ANKRD28: variants seen among roughly 807,000 people sequenced by gnomAD.
ANKRD28 encodes the protein ankyrin repeat domain 28.
In ANKRD28, 44 loss-of-function variants were observed where a neutral mutation model predicts 126.5. The observed-to-expected ratio is 0.35, with a 90% CI of 0.27 to 0.45. ANKRD28 has a LOEUF of 0.45. Ranked by LOEUF, ANKRD28 falls within the 20% of genes least tolerant of loss-of-function variation. The pLI is 1.00. For synonymous variants in ANKRD28, 442 were observed against 468.5 expected (o/e 0.94, Z 0.73); for missense variants, 1,110 against 1,316.6 (o/e 0.84, Z 2.43).
At chr3:15,826,882 C>T (rs557264856) in intron 1 of ANKRD28, among the ~76,000 whole-genome samples, 2 of 152,278 alleles carry the variant, frequency 1.3e-5, no homozygotes, top group Admixed American at 6.5e-5. Flanking sequence ...CATATACATA[C>T]AAATTAGGAC....
intron 1 of ANKRD28, among the ~76,000 whole-genome samples, chr3:15,825,709 T>G (rs116280383): frequency 6.5e-4 from 99 of 152,002 alleles, no homozygotes; most frequent in African/African-American, 2.3e-3. Context: ...GATTGAGAGG[T>G]ATAACAAAAC....
intron 4 of ANKRD28, among the ~76,000 whole-genome samples, chr3:15,746,702 G>C (rs1264568000): frequency 2.0e-5 from 3 of 152,158 alleles, no homozygotes; most frequent in Non-Finnish European, 4.4e-5. Flanking sequence ...TTTGGTATTA[G>C]GGTGACACTG....
chr3:15,800,731 C>T (rs1422085700), upstream of ANKRD28, among the ~76,000 whole-genome samples: 8 of 152,050 alleles, frequency 5.3e-5, no homozygotes, highest in Admixed American at 1.3e-4. Flanking sequence ...TTCTTCCATT[C>T]TTCTACCTTC....
At chr3:15,730,349 G>A (rs2074492313) in intron 6 of ANKRD28, among the ~76,000 whole-genome samples, 1 of 152,168 alleles carries the variant, frequency 6.6e-6, no homozygotes, top group Admixed American at 6.6e-5. Context: ...AATTCATTTG[G>A]AGATGAGGTG....
At chr3:15,713,756 T>C (rs1396869263) in intron 9 of ANKRD28, 115 bp from the exon 10 acceptor site, 1 of 538,724 alleles carries the variant, frequency 1.9e-6, no homozygotes, top group Admixed American at 3.6e-5. Context: ...TACAGCAATT[T>C]TAACTAGATT....
At chr3:15,842,691 T>C (rs1216333308) in intron 1 of ANKRD28, among the ~76,000 whole-genome samples, 1 of 152,188 alleles carries the variant, frequency 6.6e-6, no homozygotes, top group Non-Finnish European at 1.5e-5. Flanking sequence ...ATAGCTCCTG[T>C]AACCCATAAA....
intron 1 of ANKRD28, among the ~76,000 whole-genome samples, chr3:15,842,260 T>G (rs2061438386): frequency 6.6e-6 from 1 of 152,004 alleles, no homozygotes; most frequent in South Asian, 2.1e-4. Context: ...TGCAACAACA[T>G]GGAACTGGAG....
chr3:15,831,412 C>A (rs888121232), intron 1 of ANKRD28, among the ~76,000 whole-genome samples: 2 of 152,178 alleles, frequency 1.3e-5, no homozygotes, highest in African/African-American at 2.4e-5. Context: ...AGCAGGGATT[C>A]TCACCAAATG....
chr3:15,810,132 T>C (rs1165586511), intron 1 of ANKRD28, among the ~76,000 whole-genome samples: 2 of 152,192 alleles, frequency 1.3e-5, no homozygotes, highest in Admixed American at 1.3e-4. Context: ...TTAAAGAACT[T>C]ACTGTGCATA....
At position 15,849,984 on chromosome 3, in the gene ANKRD28, T is replaced by C. The variant is rs140180179; in HGVS notation, c.27+9393A>G. 4.2e-4 allele frequency among the ~76,000 whole-genome samples: 63 copies of C among 151,766 alleles called. No individual in the cohort carries two copies. In the East Asian group the frequency reaches 0.012, roughly 29 times the overall value. ...GGGTTGGAAGCGATCTCTGACTCTG[T>C]ACACTACAAACCTACAGTTATCAAG... On this transcript the variant is annotated intron_variant, in intron 1 of 27. Coordinates refer to the ANKRD28 transcript ENST00000399451.
At chr3:15,728,301 T>C (rs999587829) in intron 6 of ANKRD28, among the ~76,000 whole-genome samples, 13 of 152,280 alleles carry the variant, frequency 8.5e-5, no homozygotes, top group African/African-American at 2.9e-4. Flanking sequence ...TGTAATTAAT[T>C]AATTATTTTT....
intron 2 of ANKRD28, among the ~76,000 whole-genome samples, chr3:15,784,004 GAA>G (rs1282494702): frequency 6.6e-6 from 1 of 151,630 alleles, no homozygotes; most frequent in Non-Finnish European, 1.5e-5. Context: ...ATGAAAGCAA[GAA>G]AAGAGTCCGG....
chr3:15,695,092 A>G (rs1429687684), intron 16 of ANKRD28, 96 bp downstream of exon 16: 25 of 1,028,400 alleles, frequency 2.4e-5, no homozygotes, highest in Non-Finnish European at 1.5e-6. Context: ...ATATGTAAAA[A>G]CACTTTCAGC....
At chr3:15,733,486 T>C (rs1486729800) in intron 6 of ANKRD28, 1 of 152,238 alleles carries the variant, frequency 6.6e-6, no homozygotes, top group East Asian at 1.9e-4. Context: ...GGACATACTG[T>C]TAGAAATATT....
At position 15,845,935 on chromosome 3, in the gene ANKRD28, A is replaced by G. The variant is rs1047588639; in HGVS notation, c.27+13442T>C. The stretch of plus-strand genomic sequence containing the variant: ...GGGGGAAATCTGCCCCAACAATCCA[A>G]TAGCATCTCACCAGTCCCCTCCTCT... On this transcript the variant is annotated intron_variant, in intron 1 of 27. Coordinates refer to the ANKRD28 transcript ENST00000399451. This position sits in a 1 kb window ranked among gnomAD's most constrained non-coding sequence, Gnocchi z 4.9. Among the ~76,000 whole-genome samples the G allele has an allele frequency of 6.6e-6, 1 of 152,172 alleles. No individual in the cohort carries two copies. Among genetic ancestry groups the G allele is most frequent in the Non-Finnish European group, 1.5e-5 (1 of 68,026 alleles).
At chr3:15,759,476 T>C (rs1290832656) in intron 3 of ANKRD28, among the ~76,000 whole-genome samples, 3 of 152,174 alleles carry the variant, frequency 2.0e-5, no homozygotes, top group Non-Finnish European at 4.4e-5. Flanking sequence ...ATAGATTCTA[T>C]GGATGTATTC....
intron 3 of ANKRD28, among the ~76,000 whole-genome samples, chr3:15,760,490 G>A (rs892157488): frequency 6.6e-6 from 1 of 152,166 alleles, no homozygotes; most frequent in Non-Finnish European, 1.5e-5. Context: ...ATTCCTCGAA[G>A]ATACGTAAGA....
intron 1 of ANKRD28, among the ~76,000 whole-genome samples, chr3:15,813,724 A>AT (rs2060774676): frequency 6.6e-6 from 1 of 152,286 alleles, no homozygotes; most frequent in African/African-American, 2.4e-5. Context: ...AGGTTGTGAG[A>AT]TTTTTTAAAA....
At chr3:15,811,929 G>A (rs1313314901) in intron 1 of ANKRD28, among the ~76,000 whole-genome samples, 1 of 151,146 alleles carries the variant, frequency 6.6e-6, no homozygotes, top group African/African-American at 2.5e-5. Flanking sequence ...CAAGGTGGGT[G>A]GATCACTTCA....
Sources: allele counts gnomAD v4.1 joint callset (sites outside exome capture counted in the v4.1 genomes callset), GRCh38; gene constraint gnomAD v4.1.1; non-coding constraint Gnocchi (gnomAD v3.1); transcripts MANE v1.5; gene names NCBI Gene and HGNC (gene_info 2026-07-23, HGNC 2026-07-21).